CHD6: variants seen among roughly 807,000 people sequenced by gnomAD.
CHD6 encodes the protein chromodomain helicase DNA binding protein 6, also known as ATP-dependent chromatin remodeler CHD6.
A neutral mutation model predicts 276.9 loss-of-function variants in CHD6; 50 were observed. That is an observed-to-expected ratio of 0.18 (90% confidence interval 0.14 to 0.23). CHD6 has a LOEUF of 0.23. Ranked by LOEUF, CHD6 falls within the 10% of genes least tolerant of loss-of-function variation. The probability of loss-of-function intolerance (pLI) is 1.00; values close to 1 mark genes in which losing one functional copy is unlikely to be tolerated. For missense variants in CHD6, 2,564 were observed against 3,365.8 expected (o/e 0.76, Z 5.89); for synonymous variants, 1,173 against 1,229.3 (o/e 0.95, Z 0.96).
intron 36 of CHD6, among the ~76,000 whole-genome samples, chr20:41,405,691 A>G (rs2046655932): frequency 6.6e-6 from 1 of 152,188 alleles, no homozygotes; most frequent in African/African-American, 2.4e-5. Flanking sequence ...AGCTGAGAAC[A>G]TTTTGTGGCA....
chr20:41,577,062 A>G (rs910051828), intron 1 of CHD6, among the ~76,000 whole-genome samples: 1 of 152,218 alleles, frequency 6.6e-6, no homozygotes, highest in Non-Finnish European at 1.5e-5. Context: ...AAAGGAAGGA[A>G]AGAGAATTAT....
chr20:41,583,087 G>A (rs992317108), intron 1 of CHD6, among the ~76,000 whole-genome samples: 5 of 151,704 alleles, frequency 3.3e-5, no homozygotes, highest in Middle Eastern at 3.4e-3. Context: ...TGGCAGGGGG[G>A]AAAAAAAGGC....
intron 1 of CHD6, among the ~76,000 whole-genome samples, chr20:41,584,517 G>A (rs2045572745): frequency 6.6e-6 from 1 of 152,060 alleles, no homozygotes; most frequent in Admixed American, 6.6e-5. Context: ...TACAAGAGCA[G>A]AATATACATT....
rs563342823 is a variant in CHD6 at position 41,566,199 on chromosome 20, G to A, written c.-23-14839C>T. On this transcript the variant is annotated intron_variant, in intron 1 of 36. Transcript: ENST00000373233. ...GATGACTCTAATAGGCAGCCAGGTT[G>A]GAGGACCTCTACTCTGGAAAAACAT... Among the ~76,000 whole-genome samples the A allele has an allele frequency of 5.9e-5, 9 of 152,278 alleles. No homozygotes were observed. The South Asian group carries it at 1.0e-3, about 18-fold the overall frequency.
At chr20:41,510,506 C>T (rs1215684932) in intron 5 of CHD6, among the ~76,000 whole-genome samples, 1 of 152,178 alleles carries the variant, frequency 6.6e-6, no homozygotes, top group Non-Finnish European at 1.5e-5. Context: ...ATGAATCAGG[C>T]CTCTCTCTTC....
At chr20:41,561,179 C>T (rs1351871370) in intron 1 of CHD6, among the ~76,000 whole-genome samples, 1 of 152,126 alleles carries the variant, frequency 6.6e-6, no homozygotes, top group African/African-American at 2.4e-5. Flanking sequence ...TCCAATAAAA[C>T]TTTTTTTCAA....
At chr20:41,599,931 G>A (rs1328762716) in intron 1 of CHD6, among the ~76,000 whole-genome samples, 1 of 152,188 alleles carries the variant, frequency 6.6e-6, no homozygotes, top group Non-Finnish European at 1.5e-5. Flanking sequence ...AGCCAATGGG[G>A]AAAGGACACA....
intron 1 of CHD6, among the ~76,000 whole-genome samples, chr20:41,582,296 C>T (rs981517607): frequency 5.3e-5 from 8 of 152,130 alleles, no homozygotes; most frequent in African/African-American, 9.7e-5. Flanking sequence ...GGAAGAGTTT[C>T]GGACACGGTG....
chr20:41,549,482 G>A (rs1475781104), intron 2 of CHD6, among the ~76,000 whole-genome samples: 2 of 116,578 alleles, frequency 1.7e-5, no homozygotes, highest in African/African-American at 3.4e-5. Flanking sequence ...ATCACACTCC[G>A]GAGACTGTTG....
intron 2 of CHD6, among the ~76,000 whole-genome samples, chr20:41,550,241 C>T (rs1281643729): frequency 6.6e-6 from 1 of 152,324 alleles, no homozygotes; most frequent in South Asian, 2.1e-4. Flanking sequence ...AGCCTTTATA[C>T]ACACAGTTTT....
At chr20:41,586,899 G>C (rs1328659222) in intron 1 of CHD6, among the ~76,000 whole-genome samples, 1 of 152,126 alleles carries the variant, frequency 6.6e-6, no homozygotes, top group Non-Finnish European at 1.5e-5. Flanking sequence ...TTAAATTCAG[G>C]AACAACACAA....
chr20:41,415,484 T>C lies in CHD6; in HGVS notation c.6641A>G (p.Glu2214Gly). The change falls in exon 34 of 37, where the codon GAG becomes GGG. Residue 2214 changes from glutamate to glycine, a missense_variant. Coordinates refer to ENST00000373233, the MANE Select transcript of CHD6 (RefSeq NM_032221.5). ...TPIILNGWHG[E>G]SAMDLSCSSE... is the part of the protein sequence containing the mutation. ...TGAGCAGGAGAGGTCCATAGCTGAC[T>C]CCCCATGCCAGCCATTGAGGATGAT... 6.2e-7 allele frequency: 1 copy of C among 1,613,724 alleles called. No homozygotes were observed. The highest frequency in any genetic ancestry group is 1.1e-5 in the South Asian group (1 of 90,980).
chr20:41,405,068 G>C lies in CHD6; in HGVS notation c.7673C>G (p.Thr2558Arg). The C allele has an allele frequency of 6.2e-7, 1 of 1,614,172 alleles. No homozygotes were observed. Among genetic ancestry groups the C allele is most frequent in the Non-Finnish European group, 8.5e-7 (1 of 1,180,030 alleles). The stretch of plus-strand genomic sequence containing the variant: ...TTCAGTCACTGCCGTACCACTTTTC[G>C]TTGTGCTTGATAGAGACGCCGGAGC... ...STAPASLSST[T>R]KSGTAVTEKT... The change falls in exon 37 of 37, where the codon ACG becomes AGG. Residue 2558 changes from threonine (T) to arginine (R), a missense_variant. Thr to Arg is a moderately conservative substitution (Grantham distance 71). This residue lies in a region of CHD6 where 238 missense variants were observed against 266.0 expected (regional missense o/e 0.89). Transcript: ENST00000373233.
intron 17 of CHD6, among the ~76,000 whole-genome samples, chr20:41,468,563 T>TTA (rs1231464111): frequency 6.6e-6 from 1 of 152,236 alleles, no homozygotes; most frequent in Non-Finnish European, 1.5e-5. Flanking sequence ...ATACTTTAAG[T>TTA]AACACCTGGC....
At chr20:41,545,600 C>T (rs935059147) in intron 2 of CHD6, among the ~76,000 whole-genome samples, 6 of 152,164 alleles carry the variant, frequency 3.9e-5, no homozygotes, top group Admixed American at 1.3e-4. Flanking sequence ...CTTCCTCTTT[C>T]ACTATTCTAA....
intron 30 of CHD6, among the ~76,000 whole-genome samples, chr20:41,422,796 T>C (rs376240183): frequency 5.9e-5 from 9 of 152,174 alleles, no homozygotes; most frequent in Admixed American, 1.3e-4. Flanking sequence ...ATCTTTCCAA[T>C]ATATTCAGCT....
intron 3 of CHD6, among the ~76,000 whole-genome samples, chr20:41,521,600 TGC>T (rs150494248): frequency 1.3e-5 from 2 of 152,172 alleles, no homozygotes; most frequent in South Asian, 2.1e-4. Context: ...TATTCATATG[TGC>T]GCGTTTGTAT....
At position 41,508,078 on chromosome 20, in the gene CHD6, A is replaced by G. The variant is rs138456280; in HGVS notation, c.852+4768T>C. On this transcript the variant is annotated intron_variant, in intron 5 of 36. Transcript: ENST00000373233. ...AAACAGTAACTACAGTCCAATGAGA[A>G]TTCAGAAAGTGAAAACAGCATGGAT... Among the ~76,000 whole-genome samples, 961 of 152,360 alleles carry G rather than the reference A, an allele frequency of 6.3e-3. 11 individuals carry two copies. The highest frequency in any genetic ancestry group is 0.024 in the Middle Eastern group (7 of 294).
At chr20:41,418,177 A>C (rs1400835950) in intron 31 of CHD6, among the ~76,000 whole-genome samples, 1 of 152,240 alleles carries the variant, frequency 6.6e-6, no homozygotes, top group Non-Finnish European at 1.5e-5. Context: ...GATAAGCCAG[A>C]CAGATACCGC....
Sources: gnomAD v4.1 joint callset for allele counts (sites outside exome capture counted in the v4.1 genomes callset) on GRCh38, gnomAD v4.1.1 for gene constraint, gnomAD v4.1.1 regional missense constraint, MANE v1.5 for transcripts, NCBI Gene and HGNC (gene_info 2026-07-23, HGNC 2026-07-21) for gene names.